The following C10orf90 variants were observed in gnomAD, a reference collection of about 807,000 sequenced individuals.
C10orf90 encodes the protein chromosome 10 open reading frame 90.
Under a neutral mutation model 62.5 loss-of-function variants are expected in C10orf90, and 56 were observed. That is an observed-to-expected ratio of 0.90 (90% CI 0.72 to 1.12). The LOEUF (loss-of-function observed/expected upper bound fraction) is 1.12, where lower values mean the gene tolerates loss of function less well. Among genes scored for constraint, C10orf90 ranks in the 50% most tolerant of loss-of-function variants. C10orf90 has a pLI of 0.00. For synonymous variants in C10orf90, 386 were observed against 340.4 expected (o/e 1.13, Z -1.47); for missense variants, 970 against 880.4 (o/e 1.10, Z -1.29).
chr10:126,617,371 C>T (rs775355241), intron 2 of C10orf90, among the ~76,000 whole-genome samples: 20 of 152,176 alleles, frequency 1.3e-4, no homozygotes, highest in South Asian at 2.1e-4. Flanking sequence ...CACAGCCTGT[C>T]ATGTGTCCCA....
At chr10:126,558,348 G>A (rs1864824480) in intron 2 of C10orf90, among the ~76,000 whole-genome samples, 1 of 152,092 alleles carries the variant, frequency 6.6e-6, no homozygotes, top group African/African-American at 2.4e-5. Flanking sequence ...ATTGTCTTCA[G>A]GATGAAATCC....
At chr10:126,649,094 A>G (rs1846240678) in intron 1 of C10orf90, among the ~76,000 whole-genome samples, 1 of 121,554 alleles carries the variant, frequency 8.2e-6, no homozygotes, top group African/African-American at 3.2e-5. Context: ...GCAATTCACA[A>G]TGGATGGCAA....
At chr10:126,670,011 T>C (rs1228598302) in intron 1 of C10orf90, among the ~76,000 whole-genome samples, 1 of 152,202 alleles carries the variant, frequency 6.6e-6, no homozygotes, top group Admixed American at 6.5e-5. Context: ...TGCAGACATG[T>C]GTCATCGTAA....
At chr10:126,564,971 TAA>T (rs1339123971) in intron 2 of C10orf90, among the ~76,000 whole-genome samples, 4 of 22,768 alleles carry the variant, frequency 1.8e-4, no homozygotes, top group Non-Finnish European at 1.5e-4. Flanking sequence ...AAAATATATA[TAA>T]TATATAAAAT....
intron 2 of C10orf90, among the ~76,000 whole-genome samples, chr10:126,586,687 C>T (rs1016480473): frequency 7.9e-5 from 12 of 152,074 alleles, no homozygotes; most frequent in Non-Finnish European, 1.6e-4. Flanking sequence ...ACTTGGAGGA[C>T]GAGGGGCTCT....
intron 2 of C10orf90, chr10:126,522,586 C>G (rs1362892398): frequency 6.6e-6 from 1 of 152,196 alleles, no homozygotes; most frequent in Non-Finnish European, 1.5e-5. Flanking sequence ...ACGCATTGCA[C>G]GTTTATCATG....
chr10:126,603,560 C>G (rs1249077999), intron 2 of C10orf90, among the ~76,000 whole-genome samples: 1 of 152,196 alleles, frequency 6.6e-6, no homozygotes, highest in African/African-American at 2.4e-5. Flanking sequence ...AGTTTCACCC[C>G]TGGCTGCCCT....
rs185170923 is a variant in C10orf90 at position 126,615,621 on chromosome 10, T to C, written c.313+30944A>G. ...TTATGTTTTACCCCCCTAAGCTTTC[T>C]TTCAGTTATTCAGCAAACATCTTTT... On this transcript the variant is annotated intron_variant, in intron 2 of 9. Transcript: ENST00000488181. Among the ~76,000 whole-genome samples the C allele has an allele frequency of 4.5e-3, 687 of 152,340 alleles. 1 individual carries two copies. The highest frequency in any genetic ancestry group is 0.014 in the South Asian group (68 of 4,826).
intron 4 of C10orf90, among the ~76,000 whole-genome samples, chr10:126,489,554 A>C (rs1015987417): frequency 2.6e-5 from 4 of 152,132 alleles, no homozygotes; most frequent in African/African-American, 9.7e-5. Context: ...ATGGATATTA[A>C]TTGAAAAAAC....
intron 6 of C10orf90, among the ~76,000 whole-genome samples, chr10:126,460,747 A>G (rs1250245224): frequency 6.6e-6 from 1 of 152,140 alleles, no homozygotes; most frequent in African/African-American, 2.4e-5. Flanking sequence ...GAGCCAGCCA[A>G]TGGAGCCATC....
intron 2 of C10orf90, among the ~76,000 whole-genome samples, chr10:126,627,000 CTTTTTTTTTT>C (rs61226052): frequency 8.4e-6 from 1 of 119,496 alleles, no homozygotes; most frequent in South Asian, 2.6e-4. Flanking sequence ...TTTTTCTTTT[CTTTTTTTTTT>C]TTTTTTTGAG....
At chr10:126,650,588 T>C (rs1846272226) in intron 1 of C10orf90, among the ~76,000 whole-genome samples, 2 of 152,152 alleles carry the variant, frequency 1.3e-5, no homozygotes, top group Non-Finnish European at 2.9e-5. Context: ...GAACCCATGC[T>C]ATTAGAATCA....
At chr10:126,632,953 CTTG>C (rs1293103445) in intron 2 of C10orf90, among the ~76,000 whole-genome samples, 2 of 152,152 alleles carry the variant, frequency 1.3e-5, no homozygotes, top group African/African-American at 2.4e-5. Flanking sequence ...TAAAGAAATG[CTTG>C]TTGTTCCATA....
intron 2 of C10orf90, among the ~76,000 whole-genome samples, chr10:126,538,912 G>A (rs745671814): frequency 2.6e-5 from 4 of 152,214 alleles, no homozygotes; most frequent in Non-Finnish European, 4.4e-5. Context: ...GCCAAGGCAC[G>A]ATGAAATATT....
chr10:126,545,357 A>G (rs2133971265), intron 2 of C10orf90, among the ~76,000 whole-genome samples: 1 of 152,316 alleles, frequency 6.6e-6, no homozygotes, highest in African/African-American at 2.4e-5. Flanking sequence ...TGTAGCCTTA[A>G]TTAATTCCTT....
chr10:126,561,238 C>G (rs1864893665), intron 2 of C10orf90, among the ~76,000 whole-genome samples: 1 of 152,228 alleles, frequency 6.6e-6, no homozygotes, highest in Admixed American at 6.5e-5. Flanking sequence ...AATTCATAAC[C>G]TGCCGCTGTT....
At position 126,504,811 on chromosome 10, in the gene C10orf90, C is replaced by A; in HGVS notation, c.680G>T (p.Cys227Phe). The A allele has an allele frequency of 6.3e-7, 1 of 1,592,256 alleles. No homozygotes were observed. The highest frequency in any genetic ancestry group is 8.6e-7 in the Non-Finnish European group (1 of 1,168,222). The change falls in exon 4 of 10, where the codon TGT becomes TTT. Residue 227 changes from cysteine to phenylalanine, a missense_variant. Cys to Phe is a radical substitution (Grantham distance 205, BLOSUM62 -2). Transcript: ENST00000488181. This position sits in a 1 kb window ranked among gnomAD's most constrained non-coding sequence, Gnocchi z 4.1. ...AELPPKEERP[C>F]GGPRRGFASI... is the part of the protein sequence containing the mutation. ...TGCAAACCCTCTGCGGGGGCCCCCA[C>A]AGGGTCTCTCCTCTTTGGGCGGCAG...
At chr10:126,556,136 G>C (rs1245671076) in intron 2 of C10orf90, among the ~76,000 whole-genome samples, 1 of 152,230 alleles carries the variant, frequency 6.6e-6, no homozygotes, top group Non-Finnish European at 1.5e-5. Flanking sequence ...ATGTGGTCAA[G>C]TTACACCAAT....
intron 4 of C10orf90, among the ~76,000 whole-genome samples, chr10:126,476,021 TC>T (rs1860838371): frequency 6.6e-6 from 1 of 152,154 alleles, no homozygotes. Context: ...TTCCTGCCTC[TC>T]CCGGTCAGGT....
Sources: gnomAD v4.1 joint callset for allele counts (sites outside exome capture counted in the v4.1 genomes callset) on GRCh38, gnomAD v4.1.1 for gene constraint, Gnocchi (gnomAD v3.1) non-coding constraint, MANE v1.5 for transcripts, NCBI Gene and HGNC (gene_info 2026-07-23, HGNC 2026-07-21) for gene names.